The following CAMK4 variants were observed in gnomAD, a reference collection of about 807,000 sequenced individuals.
CAMK4 encodes the protein calcium/calmodulin dependent protein kinase IV.
CAMK4 carries 22 observed loss-of-function variants against 44.9 expected under a neutral mutation model. The ratio of observed to expected loss-of-function variants is 0.49; its 90% CI spans 0.35 to 0.70. The LOEUF (loss-of-function observed/expected upper bound fraction) is 0.70. Among genes scored for constraint, CAMK4 ranks in the 30% least tolerant of loss-of-function variants. The pLI is 0.01. For synonymous variants in CAMK4, 218 were observed against 215.4 expected (o/e 1.01, Z -0.11); for missense variants, 498 against 586.8 (o/e 0.85, Z 1.56).
At chr5:111,292,918 C>T (rs933085386) in intron 1 of CAMK4, among the ~76,000 whole-genome samples, 1 of 152,116 alleles carries the variant, frequency 6.6e-6, no homozygotes, top group African/African-American at 2.4e-5. Flanking sequence ...GTGACAGAGA[C>T]ATTGTCTCAA....
intron 7 of CAMK4, among the ~76,000 whole-genome samples, chr5:111,456,753 C>G (rs1395057389): frequency 6.6e-6 from 1 of 151,990 alleles, no homozygotes; most frequent in Non-Finnish European, 1.5e-5. Context: ...GGTATTTTTA[C>G]TAGGTAAATA....
chr5:111,271,150 A>G (rs1028446006), intron 1 of CAMK4, among the ~76,000 whole-genome samples: 1 of 152,220 alleles, frequency 6.6e-6, no homozygotes, highest in African/African-American at 2.4e-5. Flanking sequence ...GGGGATTACA[A>G]TTCGAGATGA....
Position 111,362,481 on chromosome 5 carries a change from G to A in CAMK4, c.241-12369G>A, listed in dbSNP as rs564144978. Among the ~76,000 whole-genome samples the A allele has an allele frequency of 7.8e-4, 119 of 151,994 alleles. 1 individual carries two copies. Among genetic ancestry groups the A allele is most frequent in the Non-Finnish European group, 1.3e-3 (87 of 67,934 alleles). On this transcript the variant is annotated intron_variant, in intron 2 of 10. Transcript: ENST00000282356. ...TTCAAATATTTTTATATTTGAAAAT[G>A]TAAAAAGAAGTATACATACATATCT...
chr5:111,453,781 T>C (rs1445379501), intron 7 of CAMK4, among the ~76,000 whole-genome samples: 2 of 152,242 alleles, frequency 1.3e-5, no homozygotes, highest in Non-Finnish European at 2.9e-5. Flanking sequence ...TTTAGACTAC[T>C]GCCTTTTGGG....
At chr5:111,330,190 A>G (rs552543065) in intron 1 of CAMK4, among the ~76,000 whole-genome samples, 29 of 151,500 alleles carry the variant, frequency 1.9e-4, no homozygotes, top group African/African-American at 6.3e-4. Flanking sequence ...AATAAGTTGT[A>G]TTTATATATA....
chr5:111,354,948 G>A (rs1750272628), intron 2 of CAMK4, among the ~76,000 whole-genome samples: 1 of 152,062 alleles, frequency 6.6e-6, no homozygotes, highest in Admixed American at 6.6e-5. Flanking sequence ...TTTTCTAATT[G>A]CTATGATGTA....
chr5:111,295,800 G>A (rs760979023), intron 1 of CAMK4, among the ~76,000 whole-genome samples: 30 of 152,288 alleles, frequency 2.0e-4, no homozygotes, highest in East Asian at 3.9e-4. Flanking sequence ...AAATGAGAGG[G>A]GAACAAGGAC....
intron 7 of CAMK4, among the ~76,000 whole-genome samples, chr5:111,460,479 C>T (rs970913710): frequency 3.3e-5 from 5 of 151,830 alleles, no homozygotes; most frequent in Admixed American, 6.6e-5. Flanking sequence ...ACCGTGTTGC[C>T]CAGGCTGGTC....
At chr5:111,473,274 A>G in intron 7 of CAMK4, 37 bp from the exon 8 acceptor site, 1 of 1,287,448 alleles carries the variant, frequency 7.8e-7, no homozygotes, top group Non-Finnish European at 1.1e-6. Flanking sequence ...AATATTGACT[A>G]AGCTCTAATT....
At chr5:111,272,569 G>A (rs1458307776) in intron 1 of CAMK4, among the ~76,000 whole-genome samples, 1 of 152,030 alleles carries the variant, frequency 6.6e-6, no homozygotes, top group East Asian at 1.9e-4. Flanking sequence ...ATGTACTATG[G>A]CAGTGTCTGT....
chr5:111,337,699 A>G (rs900604699), intron 1 of CAMK4, among the ~76,000 whole-genome samples: 1 of 151,136 alleles, frequency 6.6e-6, no homozygotes, highest in Admixed American at 6.6e-5. Flanking sequence ...GAAATGTTAT[A>G]TATTGCTTTT....
rs1266800910 is a variant in CAMK4 at position 111,417,366 on chromosome 5, C to T, written c.459+22584C>T. Reference sequence around the variant, plus strand: ...CAAGTAGCTAGGATTACAGGCGCCACCACCACGCCCAGCTAATTTTTGTAT... The same window carrying T: ...CAAGTAGCTAGGATTACAGGCGCCATCACCACGCCCAGCTAATTTTTGTAT... On this transcript the variant is annotated intron_variant, in intron 5 of 10. Coordinates refer to ENST00000282356, the MANE Select transcript of CAMK4 (RefSeq NM_001744.6). Among the ~76,000 whole-genome samples the T allele has an allele frequency of 9.9e-5, 15 of 152,054 alleles. No homozygotes were observed. In the East Asian group the frequency reaches 1.9e-3, roughly 20 times the overall value.
chr5:111,391,657 G>C (rs1419769382), intron 4 of CAMK4, among the ~76,000 whole-genome samples: 1 of 151,904 alleles, frequency 6.6e-6, no homozygotes, highest in East Asian at 1.9e-4. Context: ...AGAAAACCAA[G>C]GCAATGGAAG....
rs1429873341 is a variant in CAMK4 at position 111,492,160 on chromosome 5, A to G, written c.*7694A>G. 1 of 152,204 alleles carries G rather than the reference A, an allele frequency of 6.6e-6. No homozygotes were observed. The highest frequency in any genetic ancestry group is 6.5e-5 in the Admixed American group (1 of 15,284). The allele number at this position is 152,204 out of a possible 1,614,324, so 9.4% of individuals were successfully genotyped here. A position where few individuals can be genotyped will look rare whatever the true frequency, so the allele number is the denominator to read the frequency against. ...CTTAAGGGAAGCTAGTGACCGAGAT[A>G]TGGAGAAAAACATAGGCATTCATGA... is the stretch of plus-strand genomic sequence containing the variant. On this transcript the variant is annotated 3_prime_UTR_variant, in exon 11 of 11. Coordinates refer to ENST00000282356, the MANE Select transcript of CAMK4 (RefSeq NM_001744.6).
intron 2 of CAMK4, among the ~76,000 whole-genome samples, chr5:111,347,806 A>G (rs993008719): frequency 6.6e-6 from 1 of 152,034 alleles, no homozygotes; most frequent in East Asian, 1.9e-4. Flanking sequence ...ATTCTAAGGT[A>G]CTGGGAGTTA....
chr5:111,247,428 T>TATAG (rs1749288676), intron 1 of CAMK4, among the ~76,000 whole-genome samples: 1 of 148,140 alleles, frequency 6.8e-6, no homozygotes, highest in Non-Finnish European at 1.5e-5. Flanking sequence ...TATTTATACT[T>TATAG]ATAGATACAT....
intron 5 of CAMK4, among the ~76,000 whole-genome samples, chr5:111,395,230 A>AAAAAG (rs1751959625): frequency 9.4e-6 from 1 of 106,456 alleles, no homozygotes; most frequent in Non-Finnish European, 1.8e-5. Flanking sequence ...AAAAAAAAGA[A>AAAAAG]AAAAAAAAAG....
chr5:111,428,133 A>G (rs1335172409), intron 5 of CAMK4, among the ~76,000 whole-genome samples: 1 of 152,218 alleles, frequency 6.6e-6, no homozygotes, highest in Non-Finnish European at 1.5e-5. Flanking sequence ...CAAGACCATC[A>G]AGGAGGTACC....
chr5:111,375,179 G>A (rs1041566696), intron 3 of CAMK4, among the ~76,000 whole-genome samples: 1 of 152,080 alleles, frequency 6.6e-6, no homozygotes, highest in Non-Finnish European at 1.5e-5. Flanking sequence ...AAATCGAAGA[G>A]TTTTGTTTTT....
Sources: allele counts gnomAD v4.1 joint callset (sites outside exome capture counted in the v4.1 genomes callset), GRCh38; gene constraint gnomAD v4.1.1; transcripts MANE v1.5; gene names NCBI Gene and HGNC (gene_info 2026-07-23, HGNC 2026-07-21).